Variants in ADAMTSL1 observed in about 807,000 individuals in gnomAD.
The protein encoded by ADAMTSL1 is ADAMTS-like protein 1.
Under a neutral mutation model 201.8 loss-of-function variants are expected in ADAMTSL1, and 126 were observed. The observed-to-expected ratio is 0.62, with a 90% CI of 0.54 to 0.72. The LOEUF is 0.72. ADAMTSL1 is among the 30% of genes least tolerant of loss of function. The pLI, the probability that ADAMTSL1 is intolerant of heterozygous loss-of-function variation, is 0.00. For missense variants in ADAMTSL1, 2,679 were observed against 2,277.8 expected (o/e 1.18, Z -3.59); for synonymous variants, 1,121 against 903.4 (o/e 1.24, Z -4.32).
At chr9:18,340,015 C>T (rs976610543) in intron 2 of ADAMTSL1, among the ~76,000 whole-genome samples, 1 of 152,150 alleles carries the variant, frequency 6.6e-6, no homozygotes, top group African/African-American at 2.4e-5. Context: ...AGTGCCCTTC[C>T]TGTTGATATG....
chr9:18,712,791 T>C (rs1832694398), intron 14 of ADAMTSL1, among the ~76,000 whole-genome samples: 1 of 151,646 alleles, frequency 6.6e-6, no homozygotes, highest in African/African-American at 2.4e-5. Flanking sequence ...CCAAGACACA[T>C]AATTGTCAGA....
intron 2 of ADAMTSL1, among the ~76,000 whole-genome samples, chr9:18,359,292 T>C (rs1836395226): frequency 6.6e-6 from 1 of 152,128 alleles, no homozygotes; most frequent in African/African-American, 2.4e-5. Context: ...TTTCCATTCT[T>C]CTGCCCCCAT....
intron 1 of ADAMTSL1, among the ~76,000 whole-genome samples, chr9:17,926,228 T>C (rs1230759912): frequency 6.6e-6 from 1 of 152,190 alleles, no homozygotes; most frequent in Non-Finnish European, 1.5e-5. Context: ...ATAAAGGTTG[T>C]TTATTATTAA....
chr9:18,274,185 T>G (rs1238621240), intron 2 of ADAMTSL1, among the ~76,000 whole-genome samples: 1 of 152,366 alleles, frequency 6.6e-6, no homozygotes, highest in East Asian at 1.9e-4. Flanking sequence ...AGGTGTGTCA[T>G]GGGAAGAAAG....
chr9:18,049,867 C>T (rs1240334885), intron 1 of ADAMTSL1, among the ~76,000 whole-genome samples: 2 of 152,168 alleles, frequency 1.3e-5, no homozygotes, highest in Non-Finnish European at 2.9e-5. Context: ...TCGTGATCTG[C>T]CTGCTTCGGC....
chr9:18,770,462 T>C (rs1820624686), intron 16 of ADAMTSL1, 140 bp from the exon 17 acceptor site: 2 of 849,804 alleles, frequency 2.4e-6, no homozygotes, highest in East Asian at 2.7e-5. Flanking sequence ...ACAAAATCCT[T>C]TGGGCCGATT....
intron 11 of ADAMTSL1, 108 bp from the exon 12 acceptor site, chr9:18,681,704 G>GC: frequency 1.4e-6 from 1 of 716,348 alleles, no homozygotes; most frequent in African/African-American, 2.4e-5. Context: ...GTGTGGGGGG[G>GC]GGGGGCGGGG....
intron 1 of ADAMTSL1, among the ~76,000 whole-genome samples, chr9:18,041,222 T>C (rs929789731): frequency 6.6e-6 from 1 of 152,306 alleles, no homozygotes; most frequent in East Asian, 1.9e-4. Context: ...TGCCCTGTCA[T>C]TTGGAATAAA....
chr9:18,873,305 A>C (rs2131470690), intron 23 of ADAMTSL1, among the ~76,000 whole-genome samples: 1 of 152,266 alleles, frequency 6.6e-6, no homozygotes, highest in Middle Eastern at 3.4e-3. Flanking sequence ...TAGTTTAATT[A>C]GGTTCCATCT....
intron 2 of ADAMTSL1, among the ~76,000 whole-genome samples, chr9:18,411,162 C>CTTTA (rs35217994): frequency 0.28 from 39,125 of 142,064 alleles, 5,648 homozygotes; most frequent in African/African-American, 0.3. Context: ...GCACCCAGCC[C>CTTTA]TTTATTTATT....
chr9:18,867,163 CA>C (rs1827585003), intron 23 of ADAMTSL1, among the ~76,000 whole-genome samples: 1 of 152,188 alleles, frequency 6.6e-6, no homozygotes, highest in Admixed American at 6.5e-5. Context: ...CAGATTCTGC[CA>C]CACACAGCAA....
chr9:18,050,880 G>A (rs992355570), intron 1 of ADAMTSL1, among the ~76,000 whole-genome samples: 1 of 152,158 alleles, frequency 6.6e-6, no homozygotes, highest in East Asian at 1.9e-4. Flanking sequence ...TTCAAACCTT[G>A]TGTTGGTGAT....
At chr9:18,408,517 A>G (rs192296579) in intron 2 of ADAMTSL1, among the ~76,000 whole-genome samples, 2 of 152,268 alleles carry the variant, frequency 1.3e-5, no homozygotes, top group Admixed American at 6.5e-5. Flanking sequence ...AGTACCTAGT[A>G]TGTGCTGGTC....
At chr9:17,979,344 CT>C (rs1339616605) in intron 1 of ADAMTSL1, among the ~76,000 whole-genome samples, 1 of 152,002 alleles carries the variant, frequency 6.6e-6, no homozygotes, top group Non-Finnish European at 1.5e-5. Flanking sequence ...ATTCCACAGG[CT>C]TTTACAATTT....
chr9:17,939,045 C>A (rs1415035554), intron 1 of ADAMTSL1, among the ~76,000 whole-genome samples: 2 of 152,074 alleles, frequency 1.3e-5, no homozygotes, highest in African/African-American at 4.8e-5. Context: ...TCATTTAATT[C>A]TCTCAAATAT....
chr9:18,787,888 C>T (rs554850487), intron 19 of ADAMTSL1, among the ~76,000 whole-genome samples: 111 of 152,206 alleles, frequency 7.3e-4, no homozygotes, highest in Non-Finnish European at 1.1e-3. Flanking sequence ...ATGAGTTACC[C>T]AGCAAGCAGA....
intron 1 of ADAMTSL1, among the ~76,000 whole-genome samples, chr9:17,913,968 C>A (rs1376127886): frequency 5.3e-5 from 8 of 152,084 alleles, no homozygotes; most frequent in Non-Finnish European, 1.0e-4. Context: ...AAGACTAAAC[C>A]AGGAAGAAGT....
At chr9:18,411,196 T>TTA (rs1554674511) in intron 2 of ADAMTSL1, among the ~76,000 whole-genome samples, 22 of 136,656 alleles carry the variant, frequency 1.6e-4, no homozygotes, top group African/African-American at 5.0e-4. Flanking sequence ...ATTTATTTAT[T>TTA]TTTATTTATT....
At chr9:18,176,943 G>A (rs976385402) in intron 2 of ADAMTSL1, among the ~76,000 whole-genome samples, 16 of 152,164 alleles carry the variant, frequency 1.1e-4, no homozygotes, top group Non-Finnish European at 1.6e-4. Context: ...TACATATGAA[G>A]CAGGTTCAAA....
Sources: allele counts gnomAD v4.1 joint callset (sites outside exome capture counted in the v4.1 genomes callset), GRCh38; gene constraint gnomAD v4.1.1; transcripts MANE v1.5; gene names NCBI Gene and HGNC (gene_info 2026-07-23, HGNC 2026-07-21).